GLIS3: variants seen among roughly 807,000 people sequenced by gnomAD.
GLIS3 encodes GLIS family zinc finger 3.
In GLIS3, 53 loss-of-function variants were observed where a neutral mutation model predicts 78.6. The ratio of observed to expected loss-of-function variants is 0.67; its 90% confidence interval spans 0.54 to 0.85. The LOEUF is 0.85. Among genes scored for constraint, GLIS3 ranks in the 40% least tolerant of loss-of-function variants. The pLI is 0.00. For synonymous variants in GLIS3, 684 were observed against 509.9 expected, an observed-to-expected ratio of 1.34 and a Z score of -4.60; for missense variants, 1,703 against 1,231.1, an observed-to-expected ratio of 1.38 and a Z score of -5.74.
chr9:3,932,211 C>T (rs1391327568), intron 6 of GLIS3, 149 bp downstream of exon 6: 1 of 655,168 alleles, frequency 1.5e-6, no homozygotes, highest in African/African-American at 1.8e-5. Flanking sequence ...CTTGCTATTA[C>T]TTCATGGGAG....
chr9:4,059,824 G>GTA (rs1826477702), intron 4 of GLIS3, among the ~76,000 whole-genome samples: 1 of 131,496 alleles, frequency 7.6e-6, no homozygotes, highest in Admixed American at 7.7e-5. Context: ...GTGTGTGTGT[G>GTA]TGTGTGAGAG....
chr9:3,984,074 G>C (rs1487099667), intron 4 of GLIS3, among the ~76,000 whole-genome samples: 1 of 152,250 alleles, frequency 6.6e-6, no homozygotes, highest in Non-Finnish European at 1.5e-5. Context: ...CCCAGGGACT[G>C]TGTGTGCTGT....
intron 7 of GLIS3, among the ~76,000 whole-genome samples, chr9:3,893,712 G>C (rs983316780): frequency 6.6e-6 from 1 of 152,160 alleles, no homozygotes; most frequent in Non-Finnish European, 1.5e-5. Flanking sequence ...GCAGCACCTG[G>C]ACCAGCAGCA....
chr9:4,363,766 G>A, the GLIS3 span, among the ~76,000 whole-genome samples: 1 of 152,136 alleles, frequency 6.6e-6, no homozygotes, highest in Admixed American at 6.5e-5. Context: ...TGTCTTGTCT[G>A]AAAATACATG....
At chr9:4,397,057 G>C in the GLIS3 span, among the ~76,000 whole-genome samples, 4 of 124,158 alleles carry the variant, frequency 3.2e-5, no homozygotes, top group East Asian at 4.4e-4. Context: ...AAAGAGTCTC[G>C]CTCTGTCTCC....
At chr9:4,278,870 T>C (rs1461019633) in intron 2 of GLIS3, among the ~76,000 whole-genome samples, 1 of 152,266 alleles carries the variant, frequency 6.6e-6, no homozygotes, top group Non-Finnish European at 1.5e-5. Flanking sequence ...ATTCAGTGCT[T>C]CTGGGTATAA....
At chr9:4,333,503 TAA>T (rs1246122505) in intron 2 of GLIS3, among the ~76,000 whole-genome samples, 1 of 152,176 alleles carries the variant, frequency 6.6e-6, no homozygotes, top group Non-Finnish European at 1.5e-5. Flanking sequence ...TCTGAGTGGT[TAA>T]GAGTGACAGA....
intron 2 of GLIS3, among the ~76,000 whole-genome samples, chr9:4,181,723 G>A (rs1817340935): frequency 1.3e-5 from 2 of 152,210 alleles, no homozygotes; most frequent in Non-Finnish European, 2.9e-5. Flanking sequence ...TGCAGAGGAA[G>A]GGACTTGAAA....
intron 4 of GLIS3, among the ~76,000 whole-genome samples, chr9:4,014,434 G>A (rs1822278068): frequency 6.6e-6 from 1 of 152,148 alleles, no homozygotes; most frequent in Admixed American, 6.6e-5. Context: ...GAAGTAGGGT[G>A]GGCCCTTAAT....
chr9:4,407,322 C>T, the GLIS3 span, among the ~76,000 whole-genome samples: 3 of 152,306 alleles, frequency 2.0e-5, no homozygotes, highest in South Asian at 6.2e-4. Flanking sequence ...AAATCTAAGC[C>T]CTCAAACTGT....
chr9:3,933,932 T>C (rs1324632998), intron 5 of GLIS3, among the ~76,000 whole-genome samples: 1 of 152,198 alleles, frequency 6.6e-6, no homozygotes, highest in African/African-American at 2.4e-5. Flanking sequence ...ATTCTATGTT[T>C]GATTATCTGC....
chr9:4,103,639 T>C (rs1337831316), intron 4 of GLIS3, among the ~76,000 whole-genome samples: 1 of 152,138 alleles, frequency 6.6e-6, no homozygotes, highest in Non-Finnish European at 1.5e-5. Flanking sequence ...CACAATACCG[T>C]TTCTCAGAGT....
chr9:3,895,483 C>CTTAA (rs1317926696), intron 7 of GLIS3, among the ~76,000 whole-genome samples: 1 of 152,160 alleles, frequency 6.6e-6, no homozygotes, highest in Non-Finnish European at 1.5e-5. Context: ...AAGTAAACAC[C>CTTAA]TTAATTTTAT....
chr9:4,240,795 A>G (rs1823229643), intron 2 of GLIS3, among the ~76,000 whole-genome samples: 1 of 152,188 alleles, frequency 6.6e-6, no homozygotes, highest in Admixed American at 6.5e-5. Context: ...CTGTACAACA[A>G]ACCCTCATGA....
chr9:4,230,107 G>C (rs1283424731), intron 2 of GLIS3, among the ~76,000 whole-genome samples: 2 of 152,148 alleles, frequency 1.3e-5, no homozygotes, highest in South Asian at 2.1e-4. Flanking sequence ...AATGGTATAG[G>C]TCAGGTCAAG....
intron 2 of GLIS3, among the ~76,000 whole-genome samples, chr9:4,228,257 T>G (rs1482865467): frequency 6.7e-6 from 1 of 149,858 alleles, no homozygotes; most frequent in African/African-American, 2.5e-5. Flanking sequence ...GATGATGAAT[T>G]TAGTTTTAAA....
chr9:4,285,931 C>A, intron 2 of GLIS3, 107 bp downstream of exon 2: 1 of 1,341,390 alleles, frequency 7.5e-7, no homozygotes. Flanking sequence ...CATCTTTGAC[C>A]CTGACACTGA....
intron 5 of GLIS3, among the ~76,000 whole-genome samples, chr9:3,935,178 C>T (rs571046565): frequency 3.3e-5 from 5 of 152,174 alleles, no homozygotes; most frequent in East Asian, 3.9e-4. Flanking sequence ...ATAACAAATT[C>T]TTCAAGCAAG....
intron 4 of GLIS3, among the ~76,000 whole-genome samples, chr9:4,061,753 G>GA (rs1826674301): frequency 1.3e-5 from 2 of 152,012 alleles, no homozygotes; most frequent in Admixed American, 1.3e-4. Flanking sequence ...TGTTTCTAAA[G>GA]AAAAAAAGCA....
Sources: allele counts gnomAD v4.1 joint callset (sites outside exome capture counted in the v4.1 genomes callset), GRCh38; gene constraint gnomAD v4.1.1; transcripts MANE v1.5; gene names NCBI Gene and HGNC (gene_info 2026-07-23, HGNC 2026-07-21).